Variants in SLC4A10 observed in about 807,000 individuals in gnomAD.
The protein encoded by SLC4A10 is sodium-driven chloride bicarbonate exchanger.
SLC4A10 carries 42 observed loss-of-function variants against 137.7 expected under a neutral mutation model. That is an observed-to-expected ratio of 0.30 (90% CI 0.24 to 0.39). The LOEUF (loss-of-function observed/expected upper bound fraction) is 0.39. SLC4A10 is among the 10% of genes least tolerant of loss of function. The pLI is 1.00. For missense variants in SLC4A10, 925 were observed against 1,355.0 expected (o/e 0.68, Z 4.98); for synonymous variants, 474 against 464.1 (o/e 1.02, Z -0.27).
At chr2:161,658,178 A>G (rs1331356026) in intron 1 of SLC4A10, among the ~76,000 whole-genome samples, 1 of 152,174 alleles carries the variant, frequency 6.6e-6, no homozygotes, top group African/African-American at 2.4e-5. Flanking sequence ...GCAAAGCTCT[A>G]TTTTATGAGT....
intron 4 of SLC4A10, among the ~76,000 whole-genome samples, chr2:161,849,585 A>G (rs559661516): frequency 4.9e-4 from 74 of 152,182 alleles, no homozygotes; most frequent in African/African-American, 5.1e-4. Flanking sequence ...TTCAATGCCT[A>G]GTTTTTTGCG....
chr2:161,974,490 C>T lies in SLC4A10; in HGVS notation c.3227+174C>T, dbSNP rs1307597800. 3.3e-5 allele frequency among the ~76,000 whole-genome samples: 5 copies of T among 151,990 alleles called. No homozygotes were observed. The East Asian group carries it at 5.8e-4, about 18-fold the overall frequency. On this transcript the variant is annotated intron_variant, in intron 24 of 26. Coordinates refer to ENST00000446997, the MANE Select transcript of SLC4A10 (RefSeq NM_001178015.2). The stretch of plus-strand genomic sequence containing the variant: ...ACTGCTAAGTTTTGCCAATAATAGC[C>T]GTGTGACTATAATCAAATTGCATTA...
intron 5 of SLC4A10, among the ~76,000 whole-genome samples, chr2:161,859,594 C>CTTTTCTTTTTTTTTTTTTTTTTTTTTT (rs2060300861): frequency 2.1e-5 from 1 of 47,278 alleles, no homozygotes; most frequent in Non-Finnish European, 3.7e-5. Flanking sequence ...CTTTTCTTTT[C>CTTTTCTTTTTTTTTTTTTTTTTTTTTT]TTTTTTTTTT....
intron 1 of SLC4A10, among the ~76,000 whole-genome samples, chr2:161,661,840 T>C (rs1422555991): frequency 1.3e-5 from 2 of 152,120 alleles, no homozygotes; most frequent in Non-Finnish European, 2.9e-5. Flanking sequence ...GCAAAAAAAA[T>C]ATATATTTTA....
At chr2:161,856,005 A>G (rs1275781399) in intron 5 of SLC4A10, among the ~76,000 whole-genome samples, 1 of 152,102 alleles carries the variant, frequency 6.6e-6, no homozygotes, top group Non-Finnish European at 1.5e-5. Flanking sequence ...TGAAAATAAT[A>G]TATTAGAAAA....
intron 1 of SLC4A10, among the ~76,000 whole-genome samples, chr2:161,713,432 T>G (rs2044507742): frequency 6.6e-6 from 1 of 151,758 alleles, no homozygotes; most frequent in South Asian, 2.1e-4. Context: ...CTGAAGGATT[T>G]TAATAAAATT....
At chr2:161,848,340 C>T (rs1278773689) in intron 4 of SLC4A10, among the ~76,000 whole-genome samples, 1 of 152,086 alleles carries the variant, frequency 6.6e-6, no homozygotes, top group Non-Finnish European at 1.5e-5. Context: ...GTTGTTTACT[C>T]TGTTGATAGT....
At chr2:161,797,536 G>GTTT (rs5835881) in intron 2 of SLC4A10, among the ~76,000 whole-genome samples, 183 of 147,654 alleles carry the variant, frequency 1.2e-3, no homozygotes, top group African/African-American at 3.8e-3. Flanking sequence ...TCGTTAGCCA[G>GTTT]TTTTTTTTTT....
chr2:161,800,211 T>A (rs1398810794), intron 2 of SLC4A10, among the ~76,000 whole-genome samples: 1 of 152,112 alleles, frequency 6.6e-6, no homozygotes, highest in Admixed American at 6.6e-5. Flanking sequence ...GAAAACATTT[T>A]CTCTGTAGTT....
chr2:161,815,104 A>C (rs189439773), intron 3 of SLC4A10, among the ~76,000 whole-genome samples: 363 of 152,278 alleles, frequency 2.4e-3, no homozygotes, highest in African/African-American at 6.6e-3. Flanking sequence ...GAAATGCAGA[A>C]TCTCAGGCCC....
intron 11 of SLC4A10, among the ~76,000 whole-genome samples, chr2:161,899,766 A>G (rs1392322505): frequency 6.6e-6 from 1 of 152,102 alleles, no homozygotes; most frequent in Non-Finnish European, 1.5e-5. Flanking sequence ...CCCTTTATTA[A>G]TGTATCCTAT....
rs753800062 is a variant in SLC4A10 at position 161,825,793 on chromosome 2, A to G, written c.278-13996A>G. On this transcript the variant is annotated intron_variant, in intron 3 of 26. Transcript: ENST00000446997. ...CATCCCTTTTAAGGAGAATAAGTAA[A>G]TGTCAGACTCATGTTACAGCTCTTT... 5.3e-5 allele frequency among the ~76,000 whole-genome samples: 8 copies of G among 152,290 alleles called. No individual in the cohort carries two copies. In the East Asian group the frequency reaches 7.7e-4, roughly 15 times the overall value.
At chr2:161,946,874 A>T (rs1027641630) in intron 16 of SLC4A10, among the ~76,000 whole-genome samples, 16 of 152,086 alleles carry the variant, frequency 1.1e-4, no homozygotes, top group African/African-American at 3.9e-4. Flanking sequence ...CTTTAGTCCA[A>T]GTTCGATAGT....
intron 1 of SLC4A10, among the ~76,000 whole-genome samples, chr2:161,701,240 G>A (rs545217813): frequency 2.2e-4 from 34 of 151,750 alleles, no homozygotes; most frequent in Non-Finnish European, 3.4e-4. Flanking sequence ...GAGTTTTGAG[G>A]GTTTCTAGTT....
At chr2:161,731,945 T>C (rs926531884) in intron 1 of SLC4A10, among the ~76,000 whole-genome samples, 4 of 152,140 alleles carry the variant, frequency 2.6e-5, no homozygotes, top group Admixed American at 6.5e-5. Flanking sequence ...TTATTGTATA[T>C]ATTTAAGGTG....
At chr2:161,977,609 A>G in intron 25 of SLC4A10, 113 bp from the exon 26 acceptor site, 1 of 817,628 alleles carries the variant, frequency 1.2e-6, no homozygotes, top group East Asian at 2.8e-5. Context: ...TTTTTGTTAG[A>G]GAGTGATTGA....
chr2:161,889,568 G>A (rs966617058), intron 10 of SLC4A10, among the ~76,000 whole-genome samples: 6 of 152,086 alleles, frequency 3.9e-5, no homozygotes, highest in East Asian at 1.9e-4. Flanking sequence ...GTTTATTTGC[G>A]TAGAGGTGTT....
At chr2:161,661,943 C>T (rs2038463984) in intron 1 of SLC4A10, among the ~76,000 whole-genome samples, 1 of 152,030 alleles carries the variant, frequency 6.6e-6, no homozygotes. Context: ...AGCATGGGAC[C>T]TCATACCTTG....
At chr2:161,834,275 A>C (rs1170492265) in intron 3 of SLC4A10, among the ~76,000 whole-genome samples, 1 of 152,228 alleles carries the variant, frequency 6.6e-6, no homozygotes, top group Non-Finnish European at 1.5e-5. Flanking sequence ...GCCCAAATGT[A>C]CCATTAATGT....
Sources: gnomAD v4.1 joint callset for allele counts (sites outside exome capture counted in the v4.1 genomes callset) on GRCh38, gnomAD v4.1.1 for gene constraint, MANE v1.5 for transcripts, NCBI Gene and HGNC (gene_info 2026-07-23, HGNC 2026-07-21) for gene names.